The following PTPRD variants were observed in gnomAD, a reference collection of about 807,000 sequenced individuals.
PTPRD encodes the protein receptor-type tyrosine-protein phosphatase delta.
Under a neutral mutation model 214.5 loss-of-function variants are expected in PTPRD, and 34 were observed. That is an observed-to-expected ratio of 0.16 (90% CI 0.12 to 0.21). The LOEUF is 0.21. PTPRD is among the 10% of genes least tolerant of loss of function. The probability of loss-of-function intolerance (pLI) is 1.00; values close to 1 mark genes in which losing one functional copy is unlikely to be tolerated. For synonymous variants in PTPRD, 1,128 were observed against 845.7 expected, an observed-to-expected ratio of 1.33 and a Z score of -5.79; for missense variants, 2,545 against 2,398.7, an observed-to-expected ratio of 1.06 and a Z score of -1.27.
intron 4 of PTPRD, among the ~76,000 whole-genome samples, chr9:10,009,673 C>G (rs750767309): frequency 5.6e-5 from 8 of 142,392 alleles, no homozygotes; most frequent in Non-Finnish European, 1.1e-4. Flanking sequence ...TCTTCAAGAT[C>G]AGAAAAAGAT....
chr9:9,824,450 C>T (rs1429419450), intron 5 of PTPRD, among the ~76,000 whole-genome samples: 1 of 151,912 alleles, frequency 6.6e-6, no homozygotes, highest in South Asian at 2.1e-4. Flanking sequence ...TTGCTTAATG[C>T]TTTGTGTGCT....
chr9:9,621,404 C>G (rs1337004559), intron 7 of PTPRD, among the ~76,000 whole-genome samples: 1 of 152,138 alleles, frequency 6.6e-6, no homozygotes, highest in Non-Finnish European at 1.5e-5. Flanking sequence ...CATAAAGACA[C>G]AATTTTCTCC....
intron 7 of PTPRD, among the ~76,000 whole-genome samples, chr9:9,632,475 G>A (rs1160723235): frequency 7.2e-5 from 11 of 152,052 alleles, no homozygotes; most frequent in Admixed American, 7.2e-4. Context: ...ATGTTTCCAA[G>A]TTAGGTAGTG....
At position 8,465,495 on chromosome 9, in the gene PTPRD, C is replaced by A. The variant is rs1470468617; in HGVS notation, c.3685G>T (p.Val1229Leu). 6.2e-7 allele frequency: 1 copy of A among 1,612,376 alleles called. No homozygotes were observed. The highest frequency in any genetic ancestry group is 1.1e-5 in the South Asian group (1 of 91,028). ...TCTGCATGTTCCATTACTGCTAACA[C>A]AAAGAAGACATATTCTTGACCACTT... ...LQSGQEYVFFVLAVMEHAESK... is the reference protein window; with the variant it reads ...LQSGQEYVFFLLAVMEHAESK... The change falls in exon 32 of 46, where the codon GTG becomes TTG. Residue 1229 changes from valine to leucine, a missense_variant. Physicochemically the swap from Val to Leu is conservative, Grantham distance 32. Transcript: ENST00000381196.
chr9:10,304,977 C>G (rs575168043), intron 3 of PTPRD, among the ~76,000 whole-genome samples: 1 of 152,238 alleles, frequency 6.6e-6, no homozygotes, highest in East Asian at 1.9e-4. Flanking sequence ...GAGAACAAAG[C>G]TGGAGGCATC....
At chr9:9,943,575 A>G (rs1430087771) in intron 4 of PTPRD, among the ~76,000 whole-genome samples, 1 of 152,164 alleles carries the variant, frequency 6.6e-6, no homozygotes, top group Admixed American at 6.6e-5. Flanking sequence ...AATTAAGCAA[A>G]TAATATGCTA....
intron 10 of PTPRD, among the ~76,000 whole-genome samples, chr9:9,064,824 T>C (rs535615912): frequency 7.4e-4 from 112 of 152,280 alleles, no homozygotes; most frequent in Non-Finnish European, 1.4e-3. Context: ...CAATATAGGA[T>C]TTGGAAGAAA....
At chr9:9,149,879 T>G (rs1434494459) in intron 10 of PTPRD, among the ~76,000 whole-genome samples, 2 of 152,222 alleles carry the variant, frequency 1.3e-5, no homozygotes, top group Non-Finnish European at 2.9e-5. Flanking sequence ...TTAGTCTGCA[T>G]GTATGAGATA....
chr9:9,499,187 T>A (rs1488070316), intron 8 of PTPRD, among the ~76,000 whole-genome samples: 2 of 152,148 alleles, frequency 1.3e-5, no homozygotes, highest in African/African-American at 4.8e-5. Flanking sequence ...GTAGAATATA[T>A]ATTTTTCATC....
chr9:10,213,269 A>G (rs2099525352), intron 3 of PTPRD, among the ~76,000 whole-genome samples: 1 of 152,154 alleles, frequency 6.6e-6, no homozygotes, highest in Admixed American at 6.6e-5. Flanking sequence ...AACATTATAA[A>G]ATAGAGTTAT....
At chr9:9,715,327 C>T (rs1424535579) in intron 7 of PTPRD, among the ~76,000 whole-genome samples, 2 of 152,146 alleles carry the variant, frequency 1.3e-5, no homozygotes, top group East Asian at 3.9e-4. Flanking sequence ...ACAGTTAATG[C>T]TCTGTAAATG....
chr9:8,876,987 C>T (rs930517374), intron 11 of PTPRD, among the ~76,000 whole-genome samples: 11 of 151,432 alleles, frequency 7.3e-5, no homozygotes, highest in East Asian at 3.9e-4. Flanking sequence ...ACTGCAGTGG[C>T]GCGATCTCAG....
At chr9:9,801,160 G>C (rs2099037250) in intron 5 of PTPRD, among the ~76,000 whole-genome samples, 1 of 151,966 alleles carries the variant, frequency 6.6e-6, no homozygotes, top group African/African-American at 2.4e-5. Flanking sequence ...TGATTTTAGA[G>C]GTCTTTTTAG....
chr9:9,676,582 A>G (rs1013025212), intron 7 of PTPRD, among the ~76,000 whole-genome samples: 1 of 152,090 alleles, frequency 6.6e-6, no homozygotes, highest in African/African-American at 2.4e-5. Flanking sequence ...TGCTGCAATA[A>G]ACATACATGT....
At chr9:9,091,903 C>A (rs2099776682) in intron 10 of PTPRD, among the ~76,000 whole-genome samples, 1 of 152,124 alleles carries the variant, frequency 6.6e-6, no homozygotes, top group Admixed American at 6.5e-5. Context: ...CTTTGAAAAC[C>A]TAATTAACAA....
intron 2 of PTPRD, among the ~76,000 whole-genome samples, chr9:10,522,523 A>C (rs1226149450): frequency 6.6e-6 from 1 of 152,144 alleles, no homozygotes; most frequent in Admixed American, 6.6e-5. Context: ...CTATGTCAGA[A>C]TGTTTGGAAT....
At chr9:8,541,973 T>C (rs1047026537) in intron 14 of PTPRD, among the ~76,000 whole-genome samples, 4 of 152,096 alleles carry the variant, frequency 2.6e-5, no homozygotes, top group South Asian at 4.2e-4. Context: ...CCAAAACCAC[T>C]ACCAAAAGTT....
At chr9:9,742,456 T>C (rs182866954) in intron 6 of PTPRD, among the ~76,000 whole-genome samples, 2 of 152,306 alleles carry the variant, frequency 1.3e-5, no homozygotes, top group African/African-American at 4.8e-5. Context: ...TATAGAAATA[T>C]AATTGTAATT....
intron 3 of PTPRD, among the ~76,000 whole-genome samples, chr9:10,162,655 ATATACATG>A (rs1319054213): frequency 6.8e-6 from 1 of 147,912 alleles, no homozygotes; most frequent in Non-Finnish European, 1.5e-5. Context: ...ATATACACAT[ATATACATG>A]TATATGTATA....
Sources: allele counts gnomAD v4.1 joint callset (sites outside exome capture counted in the v4.1 genomes callset), GRCh38; gene constraint gnomAD v4.1.1; transcripts MANE v1.5; gene names NCBI Gene and HGNC (gene_info 2026-07-23, HGNC 2026-07-21).